KLHL32: variants seen among roughly 807,000 people sequenced by gnomAD.
KLHL32 encodes kelch like family member 32, also known as kelch-like protein 32.
Under a neutral mutation model 64.8 loss-of-function variants are expected in KLHL32, and 35 were observed. That is an observed-to-expected ratio of 0.54 (90% CI 0.41 to 0.72). The LOEUF (loss-of-function observed/expected upper bound fraction) is 0.72. KLHL32 is among the 30% of genes least tolerant of loss of function. The probability of loss-of-function intolerance (pLI) is 0.00; values close to 1 mark genes in which losing one functional copy is unlikely to be tolerated. For synonymous variants in KLHL32, 259 were observed against 281.0 expected (o/e 0.92, Z 0.78); for missense variants, 589 against 768.5 (o/e 0.77, Z 2.76).
intron 10 of KLHL32, among the ~76,000 whole-genome samples, chr6:97,138,505 A>C (rs1014170109): frequency 1.4e-4 from 22 of 152,058 alleles, no homozygotes; most frequent in African/African-American, 4.8e-4. Flanking sequence ...ACTCCAGCCT[A>C]GGTGACAGAG....
chr6:97,062,929 T>G (rs1228241029), intron 4 of KLHL32, among the ~76,000 whole-genome samples: 6 of 152,218 alleles, frequency 3.9e-5, no homozygotes, highest in Non-Finnish European at 8.8e-5. Flanking sequence ...AGACGTTATC[T>G]GAAGTATATG....
intron 8 of KLHL32, among the ~76,000 whole-genome samples, chr6:97,128,221 A>AT (rs1405335446): frequency 1.3e-5 from 2 of 152,240 alleles, no homozygotes; most frequent in Non-Finnish European, 2.9e-5. Flanking sequence ...CACCAAATCT[A>AT]TGTCCCTAGT....
At chr6:97,005,469 C>G (rs1779553312) in intron 3 of KLHL32, among the ~76,000 whole-genome samples, 1 of 152,050 alleles carries the variant, frequency 6.6e-6, no homozygotes, top group African/African-American at 2.4e-5. Flanking sequence ...TTTTTCACAT[C>G]TCAATTTCAT....
intron 1 of KLHL32, among the ~76,000 whole-genome samples, chr6:96,936,875 C>T (rs369832119): frequency 6.6e-5 from 10 of 152,112 alleles, no homozygotes; most frequent in African/African-American, 2.4e-4. Context: ...GAATGCCCTG[C>T]CTCCTGCCTA....
rs1554208428 is a variant in KLHL32 at position 96,973,730 on chromosome 6, C to CTCTTTTTTTTTTTTTTTTT, written c.24-2266_24-2265insCTTTTTTTTTTTTTTTTTT. 6.3e-4 allele frequency among the ~76,000 whole-genome samples: 75 copies of CTCTTTTTTTTTTTTTTTTT among 118,250 alleles called. 1 individual carries two copies. Among genetic ancestry groups the CTCTTTTTTTTTTTTTTTTT allele is most frequent in the African/African-American group, 2.3e-3 (70 of 30,754 alleles). The allele number at this position is 118,250 out of a possible 152,430, so 77.6% of individuals were successfully genotyped here. On this transcript the variant is annotated intron_variant, in intron 2 of 10. Coordinates refer to ENST00000369261, the MANE Select transcript of KLHL32 (RefSeq NM_052904.4). ...GATTTTTGAGATCTTTACAGATTGC[C>CTCTTTTTTTTTTTTTTTTT]TTTTTTTTTTTAGACAGAGTCTCGC...
chr6:96,918,227 G>A, the KLHL32 span, among the ~76,000 whole-genome samples: 1 of 152,170 alleles, frequency 6.6e-6, no homozygotes, highest in African/African-American at 2.4e-5. Context: ...GATGCGTAGG[G>A]TGAGTTAACA....
intron 5 of KLHL32, among the ~76,000 whole-genome samples, chr6:97,082,613 C>CAA (rs35233098): frequency 2.0e-3 from 285 of 143,894 alleles, no homozygotes; most frequent in East Asian, 6.4e-3. Context: ...GATTCCATCT[C>CAA]AAAAAAAAAA....
intron 10 of KLHL32, among the ~76,000 whole-genome samples, chr6:97,133,937 G>C (rs982837171): frequency 2.6e-5 from 4 of 151,984 alleles, no homozygotes; most frequent in South Asian, 4.2e-4. Context: ...GAAAACTTTA[G>C]TTAAAAAAAT....
chr6:97,037,892 G>T (rs1002677308), intron 3 of KLHL32, among the ~76,000 whole-genome samples: 2 of 152,142 alleles, frequency 1.3e-5, no homozygotes, highest in African/African-American at 4.8e-5. Context: ...ACTCATCTTT[G>T]CAAAGGTGCC....
At chr6:97,134,193 T>C (rs1447559036) in intron 10 of KLHL32, among the ~76,000 whole-genome samples, 4 of 152,000 alleles carry the variant, frequency 2.6e-5, no homozygotes, top group Non-Finnish European at 4.4e-5. Flanking sequence ...TCAAAGAAAG[T>C]AGAAGAGGAG....
chr6:96,902,692 G>A, the KLHL32 span, among the ~76,000 whole-genome samples: 1 of 152,066 alleles, frequency 6.6e-6, no homozygotes, highest in African/African-American at 2.4e-5. Flanking sequence ...TATTGCCTAG[G>A]TTTTCTTCTA....
intron 3 of KLHL32, among the ~76,000 whole-genome samples, chr6:97,037,835 T>C (rs1249085127): frequency 6.6e-6 from 1 of 152,044 alleles, no homozygotes; most frequent in East Asian, 1.9e-4. Context: ...CATAGATCAA[T>C]GGAATAGAAT....
chr6:97,130,969 T>A lies in KLHL32; in HGVS notation c.1606+20T>A. 1 of 1,598,604 alleles carries A rather than the reference T, an allele frequency of 6.3e-7. No individual in the cohort carries two copies. The highest frequency in any genetic ancestry group is 8.5e-7 in the Non-Finnish European group (1 of 1,170,388). ...TGACTGGCAAGTACCTTTGATTAAG[T>A]AAATCAGGAAAAGTAGATTCAAGAA... On this transcript the variant is annotated intron_variant, in intron 9 of 10. Coordinates refer to ENST00000369261, the MANE Select transcript of KLHL32 (RefSeq NM_052904.4).
chr6:97,059,950 A>T (rs1682338626), intron 4 of KLHL32, among the ~76,000 whole-genome samples: 1 of 152,200 alleles, frequency 6.6e-6, no homozygotes, highest in South Asian at 2.1e-4. Context: ...AGGAAATGTA[A>T]TCATTTATTC....
Position 96,976,091 on chromosome 6 carries a change from A to C in KLHL32, c.118A>C (p.Ile40Leu). 6.2e-7 allele frequency: 1 copy of C among 1,609,298 alleles called. No individual in the cohort carries two copies. The highest frequency in any genetic ancestry group is 8.5e-7 in the Non-Finnish European group (1 of 1,176,550). Residue 40 changes from isoleucine to leucine, a missense_variant, in exon 3 of 11, where the codon ATC (isoleucine) becomes CTC (leucine). Ile to Leu is a conservative substitution (Grantham distance 5). Coordinates refer to ENST00000369261, the MANE Select transcript of KLHL32 (RefSeq NM_052904.4). ...AALNQQRSDG[I>L]LCDITLIAEE... The stretch of plus-strand genomic sequence containing the variant: ...GCTGAATCAGCAGAGGAGTGATGGC[A>C]TCCTCTGCGACATCACCCTGATTGC...
chr6:96,933,314 G>A (rs1446837367), intron 1 of KLHL32, among the ~76,000 whole-genome samples: 3 of 152,126 alleles, frequency 2.0e-5, no homozygotes, highest in Non-Finnish European at 4.4e-5. Flanking sequence ...CCTCTTTTGG[G>A]AGATTTATAT....
At chr6:97,064,379 G>A (rs748907168) in intron 4 of KLHL32, among the ~76,000 whole-genome samples, 3 of 152,176 alleles carry the variant, frequency 2.0e-5, no homozygotes, top group Non-Finnish European at 1.5e-5. Context: ...GTGGTTAAGT[G>A]CAGAGCTTCA....
At position 97,132,646 on chromosome 6, in the gene KLHL32, A is replaced by G; in HGVS notation, c.1607-7A>G. ...TTTTTCTTTTTATTCAATTCTCTTT[A>G]CTTTAGGCCAAAATGAATCTGGAGT... On this transcript the variant is annotated splice_polypyrimidine_tract_variant and splice_region_variant and intron_variant, in intron 9 of 10. Transcript: ENST00000369261. The G allele has an allele frequency of 6.3e-7, 1 of 1,591,682 alleles. No individual in the cohort carries two copies. Among genetic ancestry groups the G allele is most frequent in the Non-Finnish European group, 8.6e-7 (1 of 1,164,248 alleles).
chr6:97,087,384 G>C (rs1318730121), intron 6 of KLHL32, among the ~76,000 whole-genome samples: 1 of 152,182 alleles, frequency 6.6e-6, no homozygotes, highest in African/African-American at 2.4e-5. Flanking sequence ...TAGAGATTGG[G>C]TATGCCAGAG....
Sources: allele counts gnomAD v4.1 joint callset (sites outside exome capture counted in the v4.1 genomes callset), GRCh38; gene constraint gnomAD v4.1.1; transcripts MANE v1.5; gene names NCBI Gene and HGNC (gene_info 2026-07-23, HGNC 2026-07-21).